SOX6: variants seen among roughly 807,000 people sequenced by gnomAD.
SOX6 encodes SRY-box transcription factor 6.
In SOX6, 11 loss-of-function variants were observed where a neutral mutation model predicts 97.8. The ratio of observed to expected loss-of-function variants is 0.11; its 90% CI spans 0.07 to 0.19. The LOEUF (loss-of-function observed/expected upper bound fraction) is 0.19. Ranked by LOEUF, SOX6 falls within the 10% of genes least tolerant of loss-of-function variation. The pLI is 1.00. For missense variants in SOX6, 810 were observed against 1,039.5 expected, an observed-to-expected ratio of 0.78 and a Z score of 3.04; for synonymous variants, 360 against 371.4, an observed-to-expected ratio of 0.97 and a Z score of 0.35.
intron 4 of SOX6, among the ~76,000 whole-genome samples, chr11:16,550,916 A>G (rs1228991507): frequency 1.3e-5 from 2 of 152,166 alleles, no homozygotes; most frequent in African/African-American, 4.8e-5. Flanking sequence ...TAGGAAAAAA[A>G]TAACAAGATG....
intron 2 of SOX6, among the ~76,000 whole-genome samples, chr11:16,334,584 C>T (rs1319819593): frequency 1.3e-5 from 2 of 151,978 alleles, no homozygotes; most frequent in Non-Finnish European, 2.9e-5. Context: ...CGCACCACCA[C>T]GTCTGGCTAA....
intron 9 of SOX6, among the ~76,000 whole-genome samples, chr11:16,084,788 C>T (rs1278525802): frequency 6.6e-6 from 1 of 152,094 alleles, no homozygotes; most frequent in East Asian, 1.9e-4. Flanking sequence ...GATATATAGT[C>T]ATCTTTCTGT....
chr11:16,100,031 GAGA>G (rs1320633158), intron 7 of SOX6, among the ~76,000 whole-genome samples: 3 of 151,696 alleles, frequency 2.0e-5, no homozygotes, highest in African/African-American at 4.8e-5. Flanking sequence ...GAAGATGAGG[GAGA>G]AGAAGAGGGA....
chr11:16,708,376 G>A (rs1848152776), intron 3 of SOX6, among the ~76,000 whole-genome samples: 1 of 152,170 alleles, frequency 6.6e-6, no homozygotes, highest in African/African-American at 2.4e-5. Flanking sequence ...TTATGCATCT[G>A]CCAAAGTGGC....
chr11:16,449,232 T>C (rs1251276361), intron 1 of SOX6, among the ~76,000 whole-genome samples: 4 of 151,080 alleles, frequency 2.6e-5, no homozygotes, highest in African/African-American at 9.8e-5. Context: ...GTATTGGGTT[T>C]CTCCATCCTT....
At chr11:16,336,333 G>A (rs553774396) in intron 2 of SOX6, among the ~76,000 whole-genome samples, 7 of 152,062 alleles carry the variant, frequency 4.6e-5, no homozygotes, top group South Asian at 2.1e-4. Flanking sequence ...ATTTCTACTC[G>A]CTTCCCTCCT....
intron 9 of SOX6, among the ~76,000 whole-genome samples, chr11:16,069,952 C>T (rs1054796462): frequency 1.3e-5 from 2 of 151,946 alleles, no homozygotes; most frequent in Non-Finnish European, 2.9e-5. Flanking sequence ...GTCAGGAGAT[C>T]GCGACCATCC....
intron 12 of SOX6, among the ~76,000 whole-genome samples, chr11:16,027,363 TA>T (rs2133879823): frequency 6.6e-6 from 1 of 152,286 alleles, no homozygotes; most frequent in Admixed American, 6.5e-5. Context: ...AAAGGTATAG[TA>T]AATAAAATGA....
chr11:16,631,223 T>A (rs1383057580), intron 3 of SOX6, among the ~76,000 whole-genome samples: 1 of 152,222 alleles, frequency 6.6e-6, no homozygotes, highest in Non-Finnish European at 1.5e-5. Flanking sequence ...GATGGTATCA[T>A]TCTTTTGTAT....
intron 3 of SOX6, among the ~76,000 whole-genome samples, chr11:16,701,500 G>C (rs1465120020): frequency 6.6e-6 from 1 of 152,054 alleles, no homozygotes; most frequent in African/African-American, 2.4e-5. Flanking sequence ...GGTTTAAATA[G>C]AAAACCAATA....
At chr11:16,483,518 C>G (rs765314884) in intron 4 of SOX6, among the ~76,000 whole-genome samples, 1 of 152,070 alleles carries the variant, frequency 6.6e-6, no homozygotes, top group Non-Finnish European at 1.5e-5. Flanking sequence ...CTTTCCCCAG[C>G]AGGGCAAAAA....
chr11:16,356,863 G>T (rs1857089874), upstream of SOX6, among the ~76,000 whole-genome samples: 1 of 152,070 alleles, frequency 6.6e-6, no homozygotes, highest in Admixed American at 6.6e-5. Flanking sequence ...AAAAAAGCCT[G>T]CTAGGAAAAG....
chr11:16,524,524 C>G (rs1394321733), intron 4 of SOX6, among the ~76,000 whole-genome samples: 1 of 151,418 alleles, frequency 6.6e-6, no homozygotes, highest in Non-Finnish European at 1.5e-5. Flanking sequence ...CAGCCAATAT[C>G]ATACTGAATG....
intron 3 of SOX6, among the ~76,000 whole-genome samples, chr11:16,660,972 A>C (rs1847761813): frequency 1.3e-5 from 2 of 152,214 alleles, no homozygotes; most frequent in African/African-American, 4.8e-5. Context: ...TAGTTAGCTG[A>C]GAGTGCTATT....
chr11:16,680,639 C>T (rs562871858), intron 3 of SOX6, among the ~76,000 whole-genome samples: 1 of 152,232 alleles, frequency 6.6e-6, no homozygotes, highest in African/African-American at 2.4e-5. Context: ...GAGCTAAATG[C>T]CCCAAATAAA....
intron 4 of SOX6, among the ~76,000 whole-genome samples, chr11:16,524,678 G>C (rs1405632179): frequency 4.6e-5 from 7 of 152,084 alleles, no homozygotes; most frequent in Non-Finnish European, 1.0e-4. Flanking sequence ...ATTAGGAAAA[G>C]AGGAAGTCAA....
At chr11:16,090,646 A>AG (rs367554808) in intron 9 of SOX6, among the ~76,000 whole-genome samples, 1 of 151,944 alleles carries the variant, frequency 6.6e-6, no homozygotes, top group Admixed American at 6.6e-5. Flanking sequence ...GAAAAAAAAA[A>AG]GGTTTTCAAA....
In SOX6 at chr11:16,552,491, A is replaced by T. The variant is rs1847700222; in HGVS notation, n.609+59590T>A. ...TTTGTTTGGAATCTATTCACACTTT[A>T]AGGGTCTATTGGTCTGGGCAAATGA... On this transcript the variant is annotated intron_variant and non_coding_transcript_variant, in intron 4 of 5. Transcript: ENST00000524520. 2.0e-5 allele frequency among the ~76,000 whole-genome samples: 3 copies of T among 152,166 alleles called. No homozygotes were observed. In the South Asian group the frequency reaches 6.2e-4, roughly 32 times the overall value.
At chr11:16,699,809 T>C (rs1848079931) in intron 3 of SOX6, among the ~76,000 whole-genome samples, 2 of 152,218 alleles carry the variant, frequency 1.3e-5, no homozygotes, top group Non-Finnish European at 2.9e-5. Flanking sequence ...ATTGCTCTTG[T>C]ATTACTTATT....
Sources: allele counts gnomAD v4.1 joint callset (sites outside exome capture counted in the v4.1 genomes callset), GRCh38; gene constraint gnomAD v4.1.1; transcripts MANE v1.5; gene names NCBI Gene and HGNC (gene_info 2026-07-23, HGNC 2026-07-21).